Variants in NDEL1 observed in about 807,000 individuals in gnomAD.
NDEL1 encodes nuclear distribution protein nudE-like 1.
Under a neutral mutation model 45.7 loss-of-function variants are expected in NDEL1, and 9 were observed. The ratio of observed to expected loss-of-function variants is 0.20; its 90% CI spans 0.12 to 0.34. NDEL1 has a LOEUF of 0.34. NDEL1 is among the 10% of genes least tolerant of loss of function. NDEL1 has a pLI of 1.00. For missense variants in NDEL1, 306 were observed against 406.2 expected, an observed-to-expected ratio of 0.75 and a Z score of 2.12; for synonymous variants, 133 against 158.6, an observed-to-expected ratio of 0.84 and a Z score of 1.21.
chr17:8,472,568 A>G (rs1438694768), downstream of NDEL1, among the ~76,000 whole-genome samples: 3 of 152,128 alleles, frequency 2.0e-5, no homozygotes, highest in Non-Finnish European at 4.4e-5. Context: ...GGGGGGCTGA[A>G]GCAGAGAATG....
intron 1 of NDEL1, among the ~76,000 whole-genome samples, chr17:8,438,565 G>T (rs1007785339): frequency 1.3e-5 from 2 of 152,030 alleles, no homozygotes; most frequent in African/African-American, 4.8e-5. Flanking sequence ...ACCCAGGCTG[G>T]AGTGCAGTGG....
At chr17:8,455,145 G>A (rs1910747674) in intron 7 of NDEL1, among the ~76,000 whole-genome samples, 1 of 152,182 alleles carries the variant, frequency 6.6e-6, no homozygotes, top group African/African-American at 2.4e-5. Context: ...ACAGCACGAT[G>A]CCTCTGTCCT....
At chr17:8,469,705 CTTTT>C (rs60226650), downstream of NDEL1, among the ~76,000 whole-genome samples, 3 of 129,184 alleles carry the variant, frequency 2.3e-5, no homozygotes, top group Admixed American at 7.7e-5. Flanking sequence ...ACTTTAGTGA[CTTTT>C]TTTTTTTTTT....
upstream of NDEL1, chr17:8,432,115 G>A (rs1909014179): frequency 6.6e-6 from 1 of 151,246 alleles, no homozygotes; most frequent in Admixed American, 6.6e-5. Context: ...ACCCGCCCCA[G>A]GTCTCCCAAA....
intron 3 of NDEL1, among the ~76,000 whole-genome samples, chr17:8,473,472 C>T (rs184860501): frequency 6.6e-6 from 1 of 152,218 alleles, no homozygotes; most frequent in African/African-American, 2.4e-5. Context: ...CAGGCGTGAG[C>T]ACCATGCCCA....
chr17:8,437,461 G>A (rs1909426506), intron 1 of NDEL1, among the ~76,000 whole-genome samples: 1 of 152,102 alleles, frequency 6.6e-6, no homozygotes, highest in Non-Finnish European at 1.5e-5. Flanking sequence ...ACTTATTTTT[G>A]TTTTCATTTT....
chr17:8,423,043 G>A (rs1263545504), intron 1 of NDEL1, among the ~76,000 whole-genome samples: 1 of 152,122 alleles, frequency 6.6e-6, no homozygotes, highest in African/African-American at 2.4e-5. Context: ...TTGTAATTTC[G>A]AAGCAGACAT....
intron 1 of NDEL1, among the ~76,000 whole-genome samples, chr17:8,416,123 C>G (rs911124261): frequency 3.3e-5 from 5 of 152,128 alleles, no homozygotes; most frequent in Non-Finnish European, 7.4e-5. Flanking sequence ...TCACCACCAC[C>G]CATCTCCAGA....
chr17:8,414,610 T>C (rs1908501523), intron 1 of NDEL1, among the ~76,000 whole-genome samples: 1 of 151,974 alleles, frequency 6.6e-6, no homozygotes, highest in South Asian at 2.1e-4. Context: ...GAGCTGGCAG[T>C]GAGCTGAGAT....
chr17:8,459,656 C>T (rs776392340), intron 7 of NDEL1, among the ~76,000 whole-genome samples: 2 of 152,134 alleles, frequency 1.3e-5, no homozygotes, highest in Non-Finnish European at 2.9e-5. Context: ...ACCCTGCCCC[C>T]CAACACCAAC....
intron 8 of NDEL1, chr17:8,461,249 A>G (rs1376910322): frequency 6.6e-6 from 1 of 152,134 alleles, no homozygotes; most frequent in African/African-American, 2.4e-5. Flanking sequence ...CACACGGTGC[A>G]CTCTGAATAG....
At chr17:8,428,961 C>T (rs569560176) in intron 1 of NDEL1, among the ~76,000 whole-genome samples, 2 of 152,340 alleles carry the variant, frequency 1.3e-5, no homozygotes, top group African/African-American at 2.4e-5. Flanking sequence ...GCATGAGCCA[C>T]CGCGCCCGGC....
At chr17:8,469,579 G>T (rs1445996595), downstream of NDEL1, among the ~76,000 whole-genome samples, 3 of 152,180 alleles carry the variant, frequency 2.0e-5, no homozygotes, top group African/African-American at 7.2e-5. Context: ...TCCCTGGAGG[G>T]GTAGCAGCGT....
rs563239518 is a variant in NDEL1 at position 8,422,340 on chromosome 17, G to A, written c.-13+9071G>A. ...TTTTTGTTGTTGTTGACGGAGTCTCGCTCTATTGCCCAGGCTGGAGTGCAG... is the reference window on the plus strand; with the variant it reads ...TTTTTGTTGTTGTTGACGGAGTCTCACTCTATTGCCCAGGCTGGAGTGCAG... On this transcript the variant is annotated intron_variant, in intron 1 of 4. Transcript: ENST00000582812. Among the ~76,000 whole-genome samples the A allele has an allele frequency of 5.3e-5, 8 of 152,070 alleles. No individual in the cohort carries two copies. The East Asian group carries it at 1.4e-3, about 26-fold the overall frequency.
chr17:8,448,619 A>G lies in NDEL1; in HGVS notation c.459A>G (p.Leu153=), dbSNP rs888979843. 4 of 1,614,236 alleles carry G rather than the reference A, an allele frequency of 2.5e-6. No individual in the cohort carries two copies. Among genetic ancestry groups the G allele is most frequent in the Middle Eastern group, 1.6e-4 (1 of 6,062 alleles). ...AGGCCATTGAACGAAATGCATTTTT[A>G]GAAAGTGAACTTGATGAAAAGGAAT... ...LNQAIERNAF[L]ESELDEKESL... is the part of the protein sequence containing the mutation. The change falls in exon 5 of 9, where the codon TTA becomes TTG. Residue 153 remains leucine (L), a synonymous_variant. Transcript: ENST00000334527.
chr17:8,462,706 C>A (rs1911290562), intron 8 of NDEL1: 1 of 152,262 alleles, frequency 6.6e-6, no homozygotes, highest in South Asian at 2.1e-4. Flanking sequence ...TGCCCTCCCT[C>A]TCACTCCTGA....
chr17:8,466,498 G>C (rs1019400288), intron 8 of NDEL1: 3 of 157,636 alleles, frequency 1.9e-5, no homozygotes, highest in African/African-American at 7.2e-5. Flanking sequence ...TTGGTAACCT[G>C]CATCTTTTTC....
At chr17:8,442,779 T>C (rs1909831382) in intron 1 of NDEL1, among the ~76,000 whole-genome samples, 2 of 2,704 alleles carry the variant, frequency 7.4e-4, no homozygotes, top group Non-Finnish European at 5.8e-3. Flanking sequence ...TTTATTTACT[T>C]TTTTTTTTTT....
intron 6 of NDEL1, 110 bp from the exon 7 acceptor site, chr17:8,454,686 G>C (rs1020197583): frequency 2.7e-6 from 2 of 735,958 alleles, no homozygotes; most frequent in Non-Finnish European, 4.7e-6. Flanking sequence ...ATAGTTTGAA[G>C]TAGTTTGTTG....
Sources: gnomAD v4.1 joint callset for allele counts (sites outside exome capture counted in the v4.1 genomes callset) on GRCh38, gnomAD v4.1.1 for gene constraint, MANE v1.5 for transcripts, NCBI Gene and HGNC (gene_info 2026-07-23, HGNC 2026-07-21) for gene names.